NEK7: variants seen among roughly 807,000 people sequenced by gnomAD.
NEK7 encodes the protein NIMA related kinase 7, also known as serine/threonine-protein kinase Nek7.
In NEK7, 18 loss-of-function variants were observed where a neutral mutation model predicts 44.6. The observed-to-expected ratio is 0.40, with a 90% CI of 0.28 to 0.60. The LOEUF is 0.60. Ranked by LOEUF, NEK7 falls within the 20% of genes least tolerant of loss-of-function variation. NEK7 has a pLI of 0.38. For missense variants in NEK7, 256 were observed against 366.5 expected, an observed-to-expected ratio of 0.70 and a Z score of 2.46; for synonymous variants, 130 against 121.1, an observed-to-expected ratio of 1.07 and a Z score of -0.48.
chr1:198,268,912 C>T (rs1170793823), intron 5 of NEK7, among the ~76,000 whole-genome samples: 1 of 152,084 alleles, frequency 6.6e-6, no homozygotes, highest in Admixed American at 6.6e-5. Context: ...CTCTTCTTCT[C>T]CATTCTTGGC....
At chr1:198,227,555 G>T (rs953919275) in intron 1 of NEK7, among the ~76,000 whole-genome samples, 9 of 152,174 alleles carry the variant, frequency 5.9e-5, no homozygotes, top group Admixed American at 3.9e-4. Context: ...TTTAATGATC[G>T]CCATTCTAAC....
chr1:198,194,077 T>G (rs1273348204), intron 1 of NEK7, among the ~76,000 whole-genome samples: 1 of 152,212 alleles, frequency 6.6e-6, no homozygotes, highest in Non-Finnish European at 1.5e-5. Context: ...CCCCATAGTC[T>G]CAGCCCAAAA....
At chr1:198,243,594 T>C (rs1666748007) in intron 2 of NEK7, among the ~76,000 whole-genome samples, 2 of 152,314 alleles carry the variant, frequency 1.3e-5, no homozygotes, top group South Asian at 2.1e-4. Context: ...ATTATGCTGG[T>C]AATTTAACTA....
chr1:198,229,399 C>G (rs1301736882), intron 1 of NEK7, among the ~76,000 whole-genome samples: 1 of 152,166 alleles, frequency 6.6e-6, no homozygotes, highest in Non-Finnish European at 1.5e-5. Context: ...GTGAGCCGCT[C>G]TGGCAAATAA....
At chr1:198,161,453 C>A (rs999263189) in intron 1 of NEK7, among the ~76,000 whole-genome samples, 2 of 152,214 alleles carry the variant, frequency 1.3e-5, no homozygotes, top group South Asian at 2.1e-4. Flanking sequence ...AGCTTTCCCC[C>A]ACTCTAGAAA....
chr1:198,276,591 G>A lies in NEK7; in HGVS notation c.373-1370G>A, dbSNP rs183387084. 1.4e-3 allele frequency among the ~76,000 whole-genome samples: 217 copies of A among 151,792 alleles called. 2 individuals are homozygous for A. Among genetic ancestry groups the A allele is most frequent in the African/African-American group, 5.2e-3 (215 of 41,536 alleles). The stretch of plus-strand genomic sequence containing the variant: ...GATATGGGAGGTTTCTAACATTTTA[G>A]TAAGACCCTGATTTGCTTTTTAATT... On this transcript the variant is annotated intron_variant, in intron 5 of 9. Transcript: ENST00000367385.
At chr1:198,256,574 T>C in intron 3 of NEK7, 1 of 1,393,342 alleles carries the variant, frequency 7.2e-7, no homozygotes, top group South Asian at 1.5e-5. Flanking sequence ...TCTTCAGTGC[T>C]TCCCTTCCTG....
chr1:198,204,181 G>C (rs12403333), intron 1 of NEK7, among the ~76,000 whole-genome samples: 21,604 of 152,070 alleles, frequency 0.14, 2,000 homozygotes, highest in South Asian at 0.26. Context: ...GATCTCTGGA[G>C]CCCAGGAGTT....
At chr1:198,265,231 T>C (rs1243449513) in intron 5 of NEK7, among the ~76,000 whole-genome samples, 2 of 152,118 alleles carry the variant, frequency 1.3e-5, no homozygotes, top group Non-Finnish European at 2.9e-5. Flanking sequence ...CATGAACCTA[T>C]CTAGCTGCAA....
intron 1 of NEK7, among the ~76,000 whole-genome samples, chr1:198,170,290 A>G (rs1400664325): frequency 6.6e-6 from 1 of 152,100 alleles, no homozygotes; most frequent in Non-Finnish European, 1.5e-5. Flanking sequence ...GTGAGTGGGG[A>G]GGAGTGTGTG....
At position 198,223,766 on chromosome 1, in the gene NEK7, A is replaced by G. The variant is rs372441742; in HGVS notation, c.-28-8787A>G. 1.1e-4 allele frequency among the ~76,000 whole-genome samples: 17 copies of G among 152,326 alleles called. No homozygotes were observed. In the East Asian group the frequency reaches 1.2e-3, roughly 10 times the overall value. On this transcript the variant is annotated intron_variant, in intron 1 of 9. Transcript: ENST00000367385. Reference sequence around the variant, plus strand: ...CTGTATTCATCAGTATGACCTTGACATCTTCTTGGTATTTAAAGACTTTTT... The same window carrying G: ...CTGTATTCATCAGTATGACCTTGACGTCTTCTTGGTATTTAAAGACTTTTT...
At chr1:198,197,490 A>T (rs1571522432) in intron 1 of NEK7, among the ~76,000 whole-genome samples, 1 of 152,264 alleles carries the variant, frequency 6.6e-6, no homozygotes, top group Non-Finnish European at 1.5e-5. Flanking sequence ...ACAGCTCAGC[A>T]ATTTTTTTTC....
At chr1:198,175,289 T>C (rs994003974) in intron 1 of NEK7, among the ~76,000 whole-genome samples, 1 of 152,232 alleles carries the variant, frequency 6.6e-6, no homozygotes, top group Non-Finnish European at 1.5e-5. Flanking sequence ...AATTTTTCTT[T>C]TATTTAAATG....
At position 198,296,697 on chromosome 1, in the gene NEK7, C is replaced by T. The variant is rs995495555; in HGVS notation, c.685-430C>T. On this transcript the variant is annotated intron_variant, in intron 8 of 9. Coordinates refer to ENST00000367385, the MANE Select transcript of NEK7 (RefSeq NM_133494.3). ...AAGAGAAAATGCTCTGCATTCTCTT[C>T]CCTATGCTAGATTATAATTCAGTTT... Among the ~76,000 whole-genome samples the T allele has an allele frequency of 6.6e-5, 10 of 152,276 alleles. No individual in the cohort carries two copies. The East Asian group carries it at 1.9e-3, about 29-fold the overall frequency.
At chr1:198,209,485 C>G (rs1665702440) in intron 1 of NEK7, among the ~76,000 whole-genome samples, 1 of 152,082 alleles carries the variant, frequency 6.6e-6, no homozygotes, top group Non-Finnish European at 1.5e-5. Flanking sequence ...TAGATAGCTT[C>G]AACAAATAAC....
At chr1:198,287,210 G>A (rs1654398849) in intron 7 of NEK7, among the ~76,000 whole-genome samples, 1 of 151,966 alleles carries the variant, frequency 6.6e-6, no homozygotes, top group African/African-American at 2.4e-5. Context: ...GGCTGGGTGC[G>A]GTGGCTCACA....
chr1:198,272,282 G>C (rs1653877609), intron 5 of NEK7, among the ~76,000 whole-genome samples: 1 of 151,754 alleles, frequency 6.6e-6, no homozygotes, highest in South Asian at 2.1e-4. Context: ...GGAGCTTATT[G>C]CTCCTTACAT....
At position 198,301,367 on chromosome 1, in the gene NEK7, G is replaced by A. The variant is rs527396414; in HGVS notation, c.798+4127G>A. On this transcript the variant is annotated intron_variant, in intron 9 of 9. Coordinates refer to ENST00000367385, the MANE Select transcript of NEK7 (RefSeq NM_133494.3). ...AGATCGAGACCATCCTGGCTAACAC[G>A]GTGAAACCCCGTCTCTACTAAAAAT... 3.9e-5 allele frequency among the ~76,000 whole-genome samples: 6 copies of A among 152,220 alleles called. No homozygotes were observed. The East Asian group carries it at 5.8e-4, about 15-fold the overall frequency.
chr1:198,184,671 C>T (rs898420590), intron 1 of NEK7, among the ~76,000 whole-genome samples: 1 of 151,946 alleles, frequency 6.6e-6, no homozygotes, highest in African/African-American at 2.4e-5. Context: ...AATGAAATCA[C>T]AATATATATA....
Sources: allele counts gnomAD v4.1 joint callset (sites outside exome capture counted in the v4.1 genomes callset), GRCh38; gene constraint gnomAD v4.1.1; transcripts MANE v1.5; gene names NCBI Gene and HGNC (gene_info 2026-07-23, HGNC 2026-07-21).